CAMKMT: variants seen among roughly 807,000 people sequenced by gnomAD.
CAMKMT encodes calmodulin-lysine N-methyltransferase, also known as CaM KMT.
Under a neutral mutation model 48.0 loss-of-function variants are expected in CAMKMT, and 53 were observed. The ratio of observed to expected loss-of-function variants is 1.10; its 90% CI spans 0.89 to 1.39. The LOEUF (loss-of-function observed/expected upper bound fraction) is 1.39, where lower values mean the gene tolerates loss of function less well. Among genes scored for constraint, CAMKMT ranks in the 40% most tolerant of loss-of-function variants. The pLI, the probability that CAMKMT is intolerant of heterozygous loss-of-function variation, is 0.00. For missense variants in CAMKMT, 428 were observed against 402.7 expected, an observed-to-expected ratio of 1.06 and a Z score of -0.54; for synonymous variants, 165 against 152.3, an observed-to-expected ratio of 1.08 and a Z score of -0.61.
chr2:44,748,898 CATACTT>C (rs1680031673), intron 8 of CAMKMT, among the ~76,000 whole-genome samples: 2 of 152,260 alleles, frequency 1.3e-5, no homozygotes, highest in Admixed American at 6.5e-5. Context: ...ATTTTAAAGA[CATACTT>C]ATAGTTTGAT....
chr2:44,681,218 G>A (rs745576684), intron 3 of CAMKMT, among the ~76,000 whole-genome samples: 1 of 152,160 alleles, frequency 6.6e-6, no homozygotes, highest in Non-Finnish European at 1.5e-5. Context: ...CCAGTTTACA[G>A]TAAGCATATG....
At chr2:44,426,560 C>A (rs1684287874) in intron 3 of CAMKMT, among the ~76,000 whole-genome samples, 1 of 152,006 alleles carries the variant, frequency 6.6e-6, no homozygotes, top group Non-Finnish European at 1.5e-5. Context: ...AAGCTGAGAA[C>A]CAAAACAAGA....
At chr2:44,744,754 C>A (rs1679848822) in intron 8 of CAMKMT, among the ~76,000 whole-genome samples, 1 of 151,786 alleles carries the variant, frequency 6.6e-6, no homozygotes. Context: ...GATAACTTTT[C>A]TACAAAAGTC....
intron 3 of CAMKMT, among the ~76,000 whole-genome samples, chr2:44,696,143 A>G (rs575384365): frequency 6.6e-6 from 1 of 152,096 alleles, no homozygotes; most frequent in Non-Finnish European, 1.5e-5. Context: ...GGGTTTCACT[A>G]TGTTGGCCAG....
intron 3 of CAMKMT, among the ~76,000 whole-genome samples, chr2:44,535,238 T>C (rs146040438): frequency 0.029 from 4,468 of 152,052 alleles, 215 homozygotes; most frequent in African/African-American, 0.1. Flanking sequence ...AGTAATGAGA[T>C]TGAATCAGTA....
intron 3 of CAMKMT, among the ~76,000 whole-genome samples, chr2:44,457,791 C>G (rs1667645567): frequency 6.6e-6 from 1 of 152,128 alleles, no homozygotes; most frequent in Admixed American, 6.5e-5. Flanking sequence ...TAGAAACCCT[C>G]AATATTTGTT....
chr2:44,408,749 TTAA>T (rs902361003), intron 3 of CAMKMT, among the ~76,000 whole-genome samples: 5 of 149,534 alleles, frequency 3.3e-5, no homozygotes, highest in African/African-American at 1.3e-4. Context: ...AATTAATTAA[TTAA>T]TTTTTTTGAG....
At chr2:44,539,764 CA>C (rs1666988444) in intron 3 of CAMKMT, among the ~76,000 whole-genome samples, 1 of 152,036 alleles carries the variant, frequency 6.6e-6, no homozygotes, top group Non-Finnish European at 1.5e-5. Context: ...TTCTCATGAC[CA>C]TATGCGGGTT....
At chr2:44,517,527 T>C (rs72790048) in intron 3 of CAMKMT, among the ~76,000 whole-genome samples, 2 of 152,320 alleles carry the variant, frequency 1.3e-5, no homozygotes, top group Non-Finnish European at 2.9e-5. Context: ...AATACCTCTG[T>C]CACTATCTCA....
At chr2:44,416,036 T>C (rs986434133) in intron 3 of CAMKMT, among the ~76,000 whole-genome samples, 5 of 152,244 alleles carry the variant, frequency 3.3e-5, no homozygotes, top group African/African-American at 1.2e-4. Context: ...CCTTTTAAGA[T>C]ACTGAATAAT....
chr2:44,597,887 C>T (rs1670758539), intron 3 of CAMKMT, among the ~76,000 whole-genome samples: 2 of 152,096 alleles, frequency 1.3e-5, no homozygotes, highest in Non-Finnish European at 2.9e-5. Flanking sequence ...CAGGCATGCA[C>T]CACCACCCTG....
At chr2:44,365,903 T>A (rs1046565865) in intron 1 of CAMKMT, among the ~76,000 whole-genome samples, 2 of 152,232 alleles carry the variant, frequency 1.3e-5, no homozygotes, top group Non-Finnish European at 2.9e-5. Context: ...TCAGTTTATA[T>A]CAAAGCAGGA....
chr2:44,549,385 C>T (rs1667582019), intron 3 of CAMKMT, among the ~76,000 whole-genome samples: 1 of 152,082 alleles, frequency 6.6e-6, no homozygotes, highest in African/African-American at 2.4e-5. Flanking sequence ...TGAAAATGTA[C>T]AGAGTGACAA....
intron 10 of CAMKMT, among the ~76,000 whole-genome samples, chr2:44,771,266 C>T (rs978983641): frequency 5.9e-5 from 9 of 152,014 alleles, no homozygotes; most frequent in African/African-American, 2.2e-4. Context: ...TAACAATTGG[C>T]TCATAAATTC....
At chr2:44,531,630 ATTGTTTG>A (rs1361856152) in intron 3 of CAMKMT, among the ~76,000 whole-genome samples, 1 of 152,068 alleles carries the variant, frequency 6.6e-6, no homozygotes, top group Non-Finnish European at 1.5e-5. Context: ...CTTTATGATT[ATTGTTTG>A]TTAACATTTT....
intron 9 of CAMKMT, among the ~76,000 whole-genome samples, chr2:44,764,482 G>T (rs1680751629): frequency 6.6e-6 from 1 of 152,212 alleles, no homozygotes; most frequent in African/African-American, 2.4e-5. Context: ...TTTAATGGAT[G>T]AGAAAACTCA....
chr2:44,382,863 G>A (rs1401008262), intron 2 of CAMKMT, among the ~76,000 whole-genome samples: 1 of 152,188 alleles, frequency 6.6e-6, no homozygotes, highest in Non-Finnish European at 1.5e-5. Flanking sequence ...TTTATGGAAA[G>A]GGTAATACAG....
chr2:44,464,457 G>A (rs1395521250), intron 3 of CAMKMT, among the ~76,000 whole-genome samples: 1 of 152,090 alleles, frequency 6.6e-6, no homozygotes, highest in Non-Finnish European at 1.5e-5. Flanking sequence ...CAAAATCTGA[G>A]GAAGAAAATG....
chr2:44,683,822 CAAAA>C (rs10644183), intron 3 of CAMKMT, among the ~76,000 whole-genome samples: 19 of 70,940 alleles, frequency 2.7e-4, no homozygotes, highest in South Asian at 6.7e-4. Context: ...GACTCTGTCT[CAAAA>C]AAAAAAAAAA....
Sources: gnomAD v4.1 joint callset for allele counts (sites outside exome capture counted in the v4.1 genomes callset) on GRCh38, gnomAD v4.1.1 for gene constraint, MANE v1.5 for transcripts, NCBI Gene and HGNC (gene_info 2026-07-23, HGNC 2026-07-21) for gene names.